The following ADCY2 variants were observed in gnomAD, a reference collection of about 807,000 sequenced individuals.
ADCY2 encodes adenylate cyclase type 2.
ADCY2 carries 31 observed loss-of-function variants against 125.2 expected under a neutral mutation model. That is an observed-to-expected ratio of 0.25 (90% CI 0.19 to 0.33). The LOEUF (loss-of-function observed/expected upper bound fraction) is 0.33. Among genes scored for constraint, ADCY2 ranks in the 10% least tolerant of loss-of-function variants. The pLI is 1.00. For missense variants in ADCY2, 904 were observed against 1,418.2 expected, an observed-to-expected ratio of 0.64 and a Z score of 5.82; for synonymous variants, 512 against 548.4, an observed-to-expected ratio of 0.93 and a Z score of 0.93.
chr5:7,618,543 A>G (rs10058810), intron 3 of ADCY2, among the ~76,000 whole-genome samples: 2,235 of 152,306 alleles, frequency 0.015, 54 homozygotes, highest in African/African-American at 0.049. Context: ...CAGACTCTCT[A>G]ATAGCCTTGG....
intron 3 of ADCY2, among the ~76,000 whole-genome samples, chr5:7,549,702 G>A (rs1223168744): frequency 6.6e-6 from 1 of 152,128 alleles, no homozygotes; most frequent in Admixed American, 6.5e-5. Context: ...TCATTTTTAG[G>A]GCCCTACGAA....
At chr5:7,478,490 C>T (rs979333423) in intron 2 of ADCY2, among the ~76,000 whole-genome samples, 7 of 152,214 alleles carry the variant, frequency 4.6e-5, no homozygotes, top group Admixed American at 1.3e-4. Flanking sequence ...ACCAGAAACT[C>T]AAATATCTGT....
chr5:7,509,055 G>C (rs143381424), intron 2 of ADCY2, among the ~76,000 whole-genome samples: 156 of 152,302 alleles, frequency 1.0e-3, no homozygotes, highest in African/African-American at 3.6e-3. Context: ...GAGAGATCCT[G>C]AAGTTAATAA....
chr5:7,688,233 T>C (rs899802916), intron 4 of ADCY2, among the ~76,000 whole-genome samples: 1 of 151,868 alleles, frequency 6.6e-6, no homozygotes, highest in African/African-American at 2.4e-5. Flanking sequence ...TCTGTTCATG[T>C]CTGAGGATAT....
chr5:7,557,049 G>T (rs565023237), intron 3 of ADCY2, among the ~76,000 whole-genome samples: 1 of 151,682 alleles, frequency 6.6e-6, no homozygotes, highest in East Asian at 1.9e-4. Flanking sequence ...TAAAAGTAAA[G>T]AAACAATCAG....
At chr5:7,469,441 G>T (rs999235856) in intron 2 of ADCY2, among the ~76,000 whole-genome samples, 3 of 151,610 alleles carry the variant, frequency 2.0e-5, no homozygotes, top group Non-Finnish European at 4.4e-5. Flanking sequence ...GTCCTTTATT[G>T]TGCATCACCT....
At chr5:7,795,432 A>C (rs1744389473) in intron 20 of ADCY2, 1 of 152,226 alleles carries the variant, frequency 6.6e-6, no homozygotes, top group Admixed American at 6.5e-5. Context: ...TGTTCCTGGC[A>C]TTGGATAAAA....
chr5:7,758,950 CA>C (rs1743103816), intron 16 of ADCY2, among the ~76,000 whole-genome samples: 1 of 152,184 alleles, frequency 6.6e-6, no homozygotes, highest in Non-Finnish European at 1.5e-5. Context: ...TCCTCCAGGT[CA>C]CGCGAGAGAT....
At chr5:7,397,207 G>T (rs1400176204) in intron 1 of ADCY2, among the ~76,000 whole-genome samples, 1 of 152,118 alleles carries the variant, frequency 6.6e-6, no homozygotes, top group Non-Finnish European at 1.5e-5. Context: ...GTTTTGGACA[G>T]GTTATTAAAG....
intron 3 of ADCY2, among the ~76,000 whole-genome samples, chr5:7,586,959 T>C (rs1353125602): frequency 6.6e-6 from 1 of 152,122 alleles, no homozygotes; most frequent in Non-Finnish European, 1.5e-5. Flanking sequence ...TTTATGTCTG[T>C]ACATTTTCAC....
Position 7,699,388 on chromosome 5 carries a change from C to T in ADCY2, c.1109+1014C>T, listed in dbSNP as rs923937260. ...CTGGGATTACAGGCGTGAGCCACCG[C>T]GCCCGGCCAGTAAGCATTTTTTTTA... is the stretch of plus-strand genomic sequence containing the variant. On this transcript the variant is annotated intron_variant, in intron 7 of 24. Coordinates refer to ENST00000338316, the MANE Select transcript of ADCY2 (RefSeq NM_020546.3). Among the ~76,000 whole-genome samples the T allele has an allele frequency of 1.4e-4, 21 of 152,078 alleles. No homozygotes were observed. The South Asian group carries it at 2.3e-3, about 17-fold the overall frequency.
At chr5:7,744,936 G>T (rs967364615) in intron 15 of ADCY2, among the ~76,000 whole-genome samples, 1 of 152,170 alleles carries the variant, frequency 6.6e-6, no homozygotes, top group Admixed American at 6.5e-5. Flanking sequence ...CTGTAACAAC[G>T]CATTTAGATG....
At chr5:7,465,388 C>T (rs1193429083) in intron 2 of ADCY2, among the ~76,000 whole-genome samples, 3 of 152,156 alleles carry the variant, frequency 2.0e-5, no homozygotes, top group African/African-American at 7.2e-5. Flanking sequence ...GAGTCAGTAT[C>T]CACCTTCCTT....
At chr5:7,607,448 C>T (rs562191426) in intron 3 of ADCY2, among the ~76,000 whole-genome samples, 31 of 152,278 alleles carry the variant, frequency 2.0e-4, no homozygotes, top group Non-Finnish European at 4.0e-4. Context: ...AGTAATAACC[C>T]ACTGACACTC....
intron 4 of ADCY2, among the ~76,000 whole-genome samples, chr5:7,639,908 T>C (rs1738634962): frequency 6.6e-6 from 1 of 152,186 alleles, no homozygotes; most frequent in South Asian, 2.1e-4. Flanking sequence ...CTTATTGTTA[T>C]AGAAGTGATT....
intron 2 of ADCY2, among the ~76,000 whole-genome samples, chr5:7,517,721 T>C (rs1744300586): frequency 6.6e-6 from 1 of 152,236 alleles, no homozygotes; most frequent in African/African-American, 2.4e-5. Context: ...AAGATCTATT[T>C]TCCATTTGGT....
At chr5:7,427,507 C>T (rs1372500312) in intron 2 of ADCY2, among the ~76,000 whole-genome samples, 5 of 152,140 alleles carry the variant, frequency 3.3e-5, no homozygotes, top group African/African-American at 1.2e-4. Context: ...TATCAGAGAA[C>T]AGCATGGGGG....
intron 2 of ADCY2, among the ~76,000 whole-genome samples, chr5:7,499,871 A>G (rs2126501728): frequency 6.6e-6 from 1 of 152,046 alleles, no homozygotes; most frequent in Middle Eastern, 3.4e-3. Flanking sequence ...TACTTGGCCA[A>G]GTTGGAAACT....
intron 22 of ADCY2, among the ~76,000 whole-genome samples, chr5:7,814,336 C>G (rs1036670112): frequency 5.3e-5 from 8 of 152,008 alleles, no homozygotes; most frequent in African/African-American, 1.9e-4. Context: ...CAATTTTACT[C>G]CTCCCCCCGC....
Sources: allele counts gnomAD v4.1 joint callset (sites outside exome capture counted in the v4.1 genomes callset), GRCh38; gene constraint gnomAD v4.1.1; transcripts MANE v1.5; gene names NCBI Gene and HGNC (gene_info 2026-07-23, HGNC 2026-07-21).